GTSF1: variants seen among roughly 807,000 people sequenced by gnomAD.
The protein encoded by GTSF1 is gametocyte specific factor 1, also known as gametocyte-specific factor 1.
GTSF1 carries 11 observed loss-of-function variants against 28.9 expected under a neutral mutation model. The ratio of observed to expected loss-of-function variants is 0.38; its 90% CI spans 0.24 to 0.63. The LOEUF is 0.63. GTSF1 is among the 30% of genes least tolerant of loss of function. GTSF1 has a pLI of 0.56. For synonymous variants in GTSF1, 69 were observed against 65.6 expected (o/e 1.05, Z -0.25); for missense variants, 146 against 201.0 (o/e 0.73, Z 1.66).
At chr12:54,462,786 G>T in intron 4 of GTSF1, 61 bp from the exon 5 acceptor site, 1 of 1,348,960 alleles carries the variant, frequency 7.4e-7, no homozygotes, top group South Asian at 1.2e-5. Flanking sequence ...GTGTTCAAAG[G>T]GGCTAGTAGC....
In GTSF1 at chr12:54,469,119, G is replaced by C. The variant is rs565099838; in HGVS notation, c.16+2114C>G. Among the ~76,000 whole-genome samples the C allele has an allele frequency of 8.6e-5, 13 of 151,932 alleles. No homozygotes were observed. The South Asian group carries it at 2.7e-3, about 32-fold the overall frequency. On this transcript the variant is annotated intron_variant, in intron 2 of 8. Transcript: ENST00000305879. ...TTTTGAGACGGAGTCTCGGTCTGTC[G>C]CCAGGCTGGAGTGCAGTGGCGTGAT... is the stretch of plus-strand genomic sequence containing the variant.
intron 3 of GTSF1, among the ~76,000 whole-genome samples, chr12:54,463,802 A>C (rs1041148555): frequency 1.3e-5 from 2 of 152,184 alleles, no homozygotes; most frequent in African/African-American, 4.8e-5. Context: ...CAAACCAATA[A>C]TTTTTCAGAT....
chr12:54,459,722 C>CTTT lies in GTSF1; in HGVS notation c.488-600_488-598dup, dbSNP rs760438714. On this transcript the variant is annotated intron_variant, in intron 7 of 8. Coordinates refer to ENST00000305879, the MANE Select transcript of GTSF1 (RefSeq NM_144594.3). The stretch of plus-strand genomic sequence containing the variant: ...TCCCAATTCCCTACTGATATTATGC[C>CTTT]TTTTTTTTTTTTTTTTTTTTTTGAG... The CTTT allele has an allele frequency of 4.9e-4, 66 of 133,454 alleles. 1 individual carries two copies. The highest frequency in any genetic ancestry group is 6.6e-4 in the Non-Finnish European group (43 of 64,956). The allele number at this position is 133,454 out of a possible 1,614,324, so 8.3% of individuals were successfully genotyped here.
At chr12:54,469,845 C>T (rs1353990814) in intron 2 of GTSF1, among the ~76,000 whole-genome samples, 6 of 152,028 alleles carry the variant, frequency 3.9e-5, no homozygotes, top group East Asian at 2.0e-4. Context: ...TGAGCCACCA[C>T]GCCTGGCTCA....
intron 7 of GTSF1, 26 bp downstream of exon 7, chr12:54,460,351 A>G: frequency 1.3e-6 from 2 of 1,502,152 alleles, no homozygotes; most frequent in South Asian, 1.1e-5. Flanking sequence ...AAAAGAGTAA[A>G]ACTATTTTGT....
chr12:54,472,261 C>G (rs544364761), intron 1 of GTSF1: 22 of 152,312 alleles, frequency 1.4e-4, no homozygotes, highest in African/African-American at 4.8e-4. Flanking sequence ...TTTTCTTAAA[C>G]ATGATCAGGA....
At chr12:54,468,474 CTG>C (rs1956551907) in intron 2 of GTSF1, among the ~76,000 whole-genome samples, 1 of 152,132 alleles carries the variant, frequency 6.6e-6, no homozygotes, top group African/African-American at 2.4e-5. Context: ...ATTGAAGTGT[CTG>C]TGCATTAAAA....
chr12:54,468,514 T>C (rs995868827), intron 2 of GTSF1, among the ~76,000 whole-genome samples: 3 of 152,204 alleles, frequency 2.0e-5, no homozygotes, highest in Non-Finnish European at 4.4e-5. Flanking sequence ...CAAACTGCTC[T>C]ACAAATTTTT....
chr12:54,461,507 T>G (rs1376711792), intron 6 of GTSF1, among the ~76,000 whole-genome samples: 2 of 151,798 alleles, frequency 1.3e-5, no homozygotes, highest in Non-Finnish European at 2.9e-5. Flanking sequence ...ATTAGCTAGG[T>G]GTGGTGGTGG....
At chr12:54,464,915 A>C (rs1456772941) in intron 3 of GTSF1, 152 bp downstream of exon 3, 1 of 506,686 alleles carries the variant, frequency 2.0e-6, no homozygotes, top group Non-Finnish European at 3.5e-6. Context: ...GAATGAACAA[A>C]TGCCTTTCTA....
intron 7 of GTSF1, 140 bp downstream of exon 7, chr12:54,460,237 G>A (rs1470482218): frequency 1.6e-6 from 1 of 624,808 alleles, no homozygotes; most frequent in African/African-American, 1.8e-5. Context: ...AAGGTGCTTA[G>A]GGCATAACAT....
At chr12:54,459,203 A>G in intron 7 of GTSF1, 78 bp from the exon 8 acceptor site, 10 of 1,493,098 alleles carry the variant, frequency 6.7e-6, no homozygotes, top group African/African-American at 1.4e-5. Context: ...ACTAAACACA[A>G]ATGACTTATT....
chr12:54,468,975 T>A (rs969107718), intron 2 of GTSF1: 3 of 152,200 alleles, frequency 2.0e-5, no homozygotes, highest in Non-Finnish European at 4.4e-5. Context: ...AACGAAGAAG[T>A]AAGAGACAGA....
At chr12:54,471,417 A>G (rs1485944887) in intron 1 of GTSF1, 140 bp from the exon 2 acceptor site, 1 of 493,704 alleles carries the variant, frequency 2.0e-6, no homozygotes, top group African/African-American at 2.0e-5. Flanking sequence ...TCCCCCCAAT[A>G]TTTTCTTCTC....
intron 1 of GTSF1, chr12:54,472,036 G>A: frequency 6.6e-6 from 1 of 152,144 alleles, no homozygotes; most frequent in African/African-American, 2.4e-5. Context: ...AATGGAGTGA[G>A]ATCCTGTCTT....
rs1481412912 is a variant in GTSF1, at chr12:54,462,083, T to C, written c.392+26A>G. On this transcript the variant is annotated intron_variant, in intron 6 of 8. Coordinates refer to ENST00000305879, the MANE Select transcript of GTSF1 (RefSeq NM_144594.3). ...AGAACACGCTGATTTTGGGAGACAA[T>C]GCTGGGATAAGACTATTTCATTTAC... 5.7e-6 allele frequency: 9 copies of C among 1,581,906 alleles called. No individual in the cohort carries two copies. In the East Asian group the frequency reaches 1.1e-4, roughly 20 times the overall value.
chr12:54,458,861 G>A (rs1282208660), intron 8 of GTSF1, among the ~76,000 whole-genome samples: 3 of 150,594 alleles, frequency 2.0e-5, no homozygotes, highest in Non-Finnish European at 4.4e-5. Flanking sequence ...GTGTACTAAT[G>A]TTAGAGAAAA....
intron 2 of GTSF1, 108 bp downstream of exon 2, chr12:54,471,125 A>G: frequency 1.4e-6 from 1 of 735,878 alleles, no homozygotes. Context: ...TTTCCTCCTT[A>G]GCAGTTGAGA....
chr12:54,460,821 C>G lies in GTSF1; in HGVS notation c.393-350G>C, dbSNP rs111413140. ...AGTGCTAAGGCAACCAAACCAAAAGCAGCAAATCTTCAACTGAGGTAAAAT... is the reference window on the plus strand; with the variant it reads ...AGTGCTAAGGCAACCAAACCAAAAGGAGCAAATCTTCAACTGAGGTAAAAT... On this transcript the variant is annotated intron_variant, in intron 6 of 8. Coordinates refer to ENST00000305879, the MANE Select transcript of GTSF1 (RefSeq NM_144594.3). Among the ~76,000 whole-genome samples the G allele has an allele frequency of 2.5e-3, 380 of 152,304 alleles. 2 individuals carry two copies. Among genetic ancestry groups the G allele is most frequent in the African/African-American group, 8.5e-3 (353 of 41,566 alleles).
Sources: gnomAD v4.1 joint callset for allele counts (sites outside exome capture counted in the v4.1 genomes callset) on GRCh38, gnomAD v4.1.1 for gene constraint, MANE v1.5 for transcripts, NCBI Gene and HGNC (gene_info 2026-07-23, HGNC 2026-07-21) for gene names.